The following HECW2 variants were observed in gnomAD, a reference collection of about 807,000 sequenced individuals.
HECW2 encodes HECT, C2 and WW domain containing E3 ubiquitin protein ligase 2, also known as E3 ubiquitin-protein ligase HECW2.
Under a neutral mutation model 175.2 loss-of-function variants are expected in HECW2, and 61 were observed. That is an observed-to-expected ratio of 0.35 (90% confidence interval 0.28 to 0.43). HECW2 has a LOEUF of 0.43. Among genes scored for constraint, HECW2 ranks in the 20% least tolerant of loss-of-function variants. The probability of loss-of-function intolerance (pLI) is 1.00; values close to 1 mark genes in which losing one functional copy is unlikely to be tolerated. For synonymous variants in HECW2, 671 were observed against 731.0 expected (o/e 0.92, Z 1.32); for missense variants, 1,524 against 2,000.5 (o/e 0.76, Z 4.54).
intron 17 of HECW2, among the ~76,000 whole-genome samples, chr2:196,269,050 A>T (rs1162625121): frequency 6.6e-6 from 1 of 152,222 alleles, no homozygotes; most frequent in African/African-American, 2.4e-5. Flanking sequence ...GGAAGGCACT[A>T]AGAGTTGAGT....
chr2:196,564,385 A>C (rs1413497328), intron 1 of HECW2, among the ~76,000 whole-genome samples: 2 of 152,196 alleles, frequency 1.3e-5, no homozygotes, highest in Non-Finnish European at 2.9e-5. Flanking sequence ...AATTATGATT[A>C]ATTAGGAAGA....
intron 1 of HECW2, among the ~76,000 whole-genome samples, chr2:196,568,461 C>T (rs375560103): frequency 6.6e-6 from 1 of 152,198 alleles, no homozygotes; most frequent in East Asian, 1.9e-4. Flanking sequence ...CAGCCCCTTA[C>T]TTATGATAGG....
chr2:196,220,943 T>C lies in HECW2; in HGVS notation c.4147-2A>G. On this transcript the variant is annotated splice_acceptor_variant, in intron 24 of 28. Coordinates refer to ENST00000644978, the MANE Select transcript of HECW2 (RefSeq NM_001348768.2). LOFTEE classifies it high-confidence loss of function. ...TGGCTTTAATTCTCGTTCAGTTATC[T>C]GAGATTACAAAATAAAAAGAATGAC... is the stretch of plus-strand genomic sequence containing the variant. The C allele has an allele frequency of 6.2e-7, 1 of 1,613,590 alleles. No homozygotes were observed. The highest frequency in any genetic ancestry group is 8.5e-7 in the Non-Finnish European group (1 of 1,179,534).
intron 2 of HECW2, among the ~76,000 whole-genome samples, chr2:196,430,131 A>G (rs1248526553): frequency 6.6e-6 from 1 of 152,220 alleles, no homozygotes; most frequent in Non-Finnish European, 1.5e-5. Flanking sequence ...TGATTTTACC[A>G]CAGCCCAAAA....
chr2:196,216,425 G>C (rs1687477069), intron 27 of HECW2, among the ~76,000 whole-genome samples: 1 of 151,980 alleles, frequency 6.6e-6, no homozygotes, highest in African/African-American at 2.4e-5. Flanking sequence ...GGAGCTAAGA[G>C]TACTTGTAAG....
chr2:196,384,394 A>G (rs1451016461), intron 2 of HECW2, among the ~76,000 whole-genome samples: 1 of 152,004 alleles, frequency 6.6e-6, no homozygotes, highest in African/African-American at 2.4e-5. Flanking sequence ...CAGCCTGCAT[A>G]ATATAGAAAG....
chr2:196,225,621 T>C (rs774735571), intron 23 of HECW2, 151 bp downstream of exon 23: 2 of 540,166 alleles, frequency 3.7e-6, no homozygotes, highest in Admixed American at 3.2e-5. Flanking sequence ...GAAATTGCAT[T>C]AGTTTCAGAA....
intron 1 of HECW2, among the ~76,000 whole-genome samples, chr2:196,478,038 TGA>T (rs1395344322): frequency 6.6e-6 from 1 of 151,516 alleles, no homozygotes; most frequent in Non-Finnish European, 1.5e-5. Flanking sequence ...GGCAACAGAG[TGA>T]GATTCTGTCT....
chr2:196,215,637 G>A (rs1687450902), intron 28 of HECW2, among the ~76,000 whole-genome samples: 1 of 152,144 alleles, frequency 6.6e-6, no homozygotes, highest in Non-Finnish European at 1.5e-5. Context: ...CAAATACTTT[G>A]CTTTTGTTGT....
intron 28 of HECW2, among the ~76,000 whole-genome samples, chr2:196,204,336 T>TCTTG (rs1553629885): frequency 1.3e-5 from 2 of 151,918 alleles, no homozygotes; most frequent in Non-Finnish European, 2.9e-5. Context: ...ATTTCTTGTT[T>TCTTG]TTTGTTTGTT....
At chr2:196,332,573 A>T (rs1468428351) in intron 4 of HECW2, among the ~76,000 whole-genome samples, 1 of 152,232 alleles carries the variant, frequency 6.6e-6, no homozygotes. Flanking sequence ...TTGACAGAGC[A>T]ATCTCAATGC....
intron 10 of HECW2, among the ~76,000 whole-genome samples, chr2:196,310,387 A>C (rs1427580548): frequency 6.6e-6 from 1 of 152,246 alleles, no homozygotes; most frequent in Admixed American, 6.5e-5. Flanking sequence ...TTGGCTCTGA[A>C]TCAGGAAGGG....
At chr2:196,473,966 C>T (rs181422561) in intron 1 of HECW2, among the ~76,000 whole-genome samples, 5 of 152,196 alleles carry the variant, frequency 3.3e-5, no homozygotes, top group Admixed American at 1.3e-4. Context: ...TACAATGCAG[C>T]GAGAATTTTT....
In HECW2 at chr2:196,332,066, G is replaced by A. The variant is rs539013846; in HGVS notation, c.495+2358C>T. 2.5e-3 allele frequency among the ~76,000 whole-genome samples: 374 copies of A among 152,186 alleles called. 4 individuals carry two copies. The highest frequency in any genetic ancestry group is 8.5e-3 in the African/African-American group (353 of 41,504). On this transcript the variant is annotated intron_variant, in intron 4 of 28. Coordinates refer to ENST00000644978, the MANE Select transcript of HECW2 (RefSeq NM_001348768.2). ...ACTGTGTATGCTGATGAATGACAATGAAAACAAAATACAAATGACAGAGAG... is the reference window on the plus strand; with the variant it reads ...ACTGTGTATGCTGATGAATGACAATAAAAACAAAATACAAATGACAGAGAG...
chr2:196,322,338 T>C, intron 7 of HECW2, 140 bp downstream of exon 7: 1 of 606,570 alleles, frequency 1.6e-6, no homozygotes. Flanking sequence ...TTTTAATAAG[T>C]GTAAGGACAC....
intron 28 of HECW2, among the ~76,000 whole-genome samples, chr2:196,209,888 C>G (rs184811279): frequency 6.6e-6 from 1 of 152,158 alleles, no homozygotes; most frequent in East Asian, 1.9e-4. Context: ...CTCTGCCTCC[C>G]GAGTAGATGG....
At chr2:196,359,844 T>C (rs1693521682) in intron 2 of HECW2, among the ~76,000 whole-genome samples, 1 of 152,242 alleles carries the variant, frequency 6.6e-6, no homozygotes, top group Non-Finnish European at 1.5e-5. Context: ...GGCTTATGCC[T>C]GTAATACCAG....
In HECW2 at chr2:196,451,084, C is replaced by T. The variant is rs1696331436; in HGVS notation, c.-35-17626G>A. On this transcript the variant is annotated intron_variant, in intron 1 of 28. Coordinates refer to ENST00000644978, the MANE Select transcript of HECW2 (RefSeq NM_001348768.2). ...TTTTATTAATTAAAAGGAATTGAAA[C>T]ACTGCAGTATTACATTCAACAAGCT... is the stretch of plus-strand genomic sequence containing the variant. Among the ~76,000 whole-genome samples the T allele has an allele frequency of 3.3e-5, 5 of 151,944 alleles. No homozygotes were observed. The South Asian group carries it at 1.0e-3, about 32-fold the overall frequency.
intron 2 of HECW2, among the ~76,000 whole-genome samples, chr2:196,432,734 T>A (rs1403605719): frequency 2.0e-5 from 3 of 152,066 alleles, no homozygotes; most frequent in Admixed American, 2.0e-4. Context: ...TTTTAAAATA[T>A]GTCATCTAAA....
Sources: gnomAD v4.1 joint callset for allele counts (sites outside exome capture counted in the v4.1 genomes callset) on GRCh38, gnomAD v4.1.1 for gene constraint, MANE v1.5 for transcripts, NCBI Gene and HGNC (gene_info 2026-07-23, HGNC 2026-07-21) for gene names.